Variants in EML1 observed in about 807,000 individuals in gnomAD.
EML1 encodes the protein EMAP like 1.
Under a neutral mutation model 110.4 loss-of-function variants are expected in EML1, and 27 were observed. The observed-to-expected ratio is 0.24, with a 90% CI of 0.18 to 0.34. The LOEUF (loss-of-function observed/expected upper bound fraction) is 0.34, where lower values mean the gene tolerates loss of function less well. Ranked by LOEUF, EML1 falls within the 10% of genes least tolerant of loss-of-function variation. The probability of loss-of-function intolerance (pLI) is 1.00; values close to 1 mark genes in which losing one functional copy is unlikely to be tolerated. For synonymous variants in EML1, 344 were observed against 385.8 expected (o/e 0.89, Z 1.27); for missense variants, 741 against 1,030.9 (o/e 0.72, Z 3.85).
chr14:99,739,115 A>T (rs1390232330), intron 1 of EML1, among the ~76,000 whole-genome samples: 1 of 85,750 alleles, frequency 1.2e-5, no homozygotes, highest in African/African-American at 4.2e-5. Flanking sequence ...AGAGAGAGAG[A>T]GAGAGTGTGT....
chr14:99,850,407 C>T, intron 1 of EML1: 1 of 1,224,106 alleles, frequency 8.2e-7, no homozygotes, highest in Non-Finnish European at 1.1e-6. Flanking sequence ...AGAGTCTTGA[C>T]CGATGGATAG....
chr14:99,856,006 A>G (rs1019964259), intron 2 of EML1, among the ~76,000 whole-genome samples: 2 of 152,230 alleles, frequency 1.3e-5, no homozygotes, highest in Non-Finnish European at 2.9e-5. Flanking sequence ...ACTCATAGGT[A>G]CCATGTATTG....
upstream of EML1, among the ~76,000 whole-genome samples, chr14:99,792,036 A>G (rs907702266): frequency 6.6e-6 from 1 of 152,204 alleles, no homozygotes; most frequent in Non-Finnish European, 1.5e-5. Context: ...CAATCCTGCT[A>G]GGACAGGAAT....
intron 6 of EML1, among the ~76,000 whole-genome samples, chr14:99,895,747 G>A (rs1383786511): frequency 8.1e-6 from 1 of 123,750 alleles, no homozygotes; most frequent in African/African-American, 3.2e-5. Context: ...GACATATCAC[G>A]TAGATATCAT....
intron 1 of EML1, among the ~76,000 whole-genome samples, chr14:99,756,830 C>T (rs934293368): frequency 6.6e-6 from 1 of 152,180 alleles, no homozygotes; most frequent in East Asian, 1.9e-4. Flanking sequence ...CTCAACCCCC[C>T]TCTCACGTCC....
intron 1 of EML1, among the ~76,000 whole-genome samples, chr14:99,836,309 A>C (rs1047234433): frequency 2.6e-5 from 4 of 152,214 alleles, no homozygotes; most frequent in Non-Finnish European, 5.9e-5. Flanking sequence ...ATTGTGTTTT[A>C]AATTTCAAAT....
chr14:99,931,210 G>A (rs2060361125), intron 17 of EML1, among the ~76,000 whole-genome samples: 1 of 152,138 alleles, frequency 6.6e-6, no homozygotes, highest in African/African-American at 2.4e-5. Context: ...ATAGCTGCAC[G>A]GCTGTTCCTA....
intron 16 of EML1, among the ~76,000 whole-genome samples, chr14:99,920,214 C>T (rs1344763123): frequency 6.6e-6 from 1 of 152,184 alleles, no homozygotes; most frequent in Non-Finnish European, 1.5e-5. Flanking sequence ...AATGGCCCAG[C>T]GAGGTGAAAT....
intron 2 of EML1, among the ~76,000 whole-genome samples, chr14:99,855,803 G>A (rs983983048): frequency 1.3e-5 from 2 of 152,188 alleles, no homozygotes; most frequent in Non-Finnish European, 2.9e-5. Flanking sequence ...TAATGGATCA[G>A]AGAATTACTA....
chr14:99,859,028 A>T (rs1054126739), intron 2 of EML1, among the ~76,000 whole-genome samples: 1 of 152,232 alleles, frequency 6.6e-6, no homozygotes, highest in African/African-American at 2.4e-5. Context: ...AAAAAAATGC[A>T]TTAGTAGATT....
intron 3 of EML1, among the ~76,000 whole-genome samples, chr14:99,866,008 G>C (rs917661728): frequency 1.3e-5 from 2 of 152,296 alleles, no homozygotes; most frequent in African/African-American, 4.8e-5. Flanking sequence ...AGCAACCTTA[G>C]ATTTTTCTCT....
intron 3 of EML1, among the ~76,000 whole-genome samples, chr14:99,870,343 G>A (rs2059176186): frequency 6.6e-6 from 1 of 152,234 alleles, no homozygotes; most frequent in African/African-American, 2.4e-5. Context: ...GTTGGCTCAT[G>A]AGGTTTAAGG....
At chr14:99,926,268 T>G (rs1242894332) in intron 17 of EML1, among the ~76,000 whole-genome samples, 3 of 137,766 alleles carry the variant, frequency 2.2e-5, no homozygotes, top group Non-Finnish European at 4.7e-5. Context: ...CCCTCTTATT[T>G]TTTGTGTTTT....
rs1224111670 is a variant in EML1, at chr14:99,905,233, G to A, written c.1009-2405G>A. On this transcript the variant is annotated intron_variant, in intron 9 of 21. Transcript: ENST00000262233. The surrounding 1 kb of genome is among the most constrained non-coding windows in gnomAD (Gnocchi z 4.1). ...TTCTGTCCTGGCCAGAGCAAAATAT[G>A]TGTGACAAAACATAGATATTAGCCA... Among the ~76,000 whole-genome samples the A allele has an allele frequency of 1.3e-5, 2 of 152,224 alleles. No individual in the cohort carries two copies. The highest frequency in any genetic ancestry group is 4.8e-5 in the African/African-American group (2 of 41,458).
intron 1 of EML1, among the ~76,000 whole-genome samples, chr14:99,776,883 A>G (rs979240911): frequency 3.3e-5 from 5 of 152,232 alleles, no homozygotes; most frequent in Admixed American, 2.0e-4. Context: ...ATCATAGGAA[A>G]ACTTTAAATC....
At chr14:99,836,415 A>G (rs893628706) in intron 1 of EML1, among the ~76,000 whole-genome samples, 6 of 152,090 alleles carry the variant, frequency 3.9e-5, no homozygotes, top group Non-Finnish European at 7.4e-5. Flanking sequence ...TTTTTGGTCA[A>G]TTCTTTGGGA....
intron 17 of EML1, among the ~76,000 whole-genome samples, chr14:99,921,629 G>A (rs1254886188): frequency 6.6e-6 from 1 of 152,060 alleles, no homozygotes; most frequent in African/African-American, 2.4e-5. Flanking sequence ...CCTGCGTCTG[G>A]AGCCCCACCC....
intron 4 of EML1, among the ~76,000 whole-genome samples, chr14:99,885,030 C>T (rs1465780780): frequency 6.6e-6 from 1 of 152,248 alleles, no homozygotes; most frequent in Non-Finnish European, 1.5e-5. Flanking sequence ...CCTCCCTTCA[C>T]CATGCTGCAC....
intron 1 of EML1, among the ~76,000 whole-genome samples, chr14:99,806,316 C>CTTTT (rs1198890041): frequency 1.5e-4 from 13 of 87,756 alleles, no homozygotes; most frequent in South Asian, 4.5e-4. Flanking sequence ...TCTCCAGAAT[C>CTTTT]TTTTTTTTTT....
Sources: gnomAD v4.1 joint callset for allele counts (sites outside exome capture counted in the v4.1 genomes callset) on GRCh38, gnomAD v4.1.1 for gene constraint, Gnocchi (gnomAD v3.1) non-coding constraint, MANE v1.5 for transcripts, NCBI Gene and HGNC (gene_info 2026-07-23, HGNC 2026-07-21) for gene names.